The following TNFSF4 variants were observed in gnomAD, a reference collection of about 807,000 sequenced individuals.
The protein encoded by TNFSF4 is tumor necrosis factor ligand superfamily member 4.
In TNFSF4, 4 loss-of-function variants were observed where a neutral mutation model predicts 7.3. The observed-to-expected ratio is 0.55, with a 90% CI of 0.27 to 1.25. The LOEUF (loss-of-function observed/expected upper bound fraction) is 1.25. TNFSF4 is among the 50% of genes most tolerant of loss of function. TNFSF4 has a pLI of 0.12. For missense variants in TNFSF4, 181 were observed against 208.8 expected, an observed-to-expected ratio of 0.87 and a Z score of 0.82; for synonymous variants, 76 against 83.7, an observed-to-expected ratio of 0.91 and a Z score of 0.50.
At chr1:173,325,540 A>T in the TNFSF4 span, among the ~76,000 whole-genome samples, 26 of 152,112 alleles carry the variant, frequency 1.7e-4, no homozygotes, top group Admixed American at 1.6e-3. Flanking sequence ...GGAAATAGAG[A>T]CACAAAAAAC....
the TNFSF4 span, among the ~76,000 whole-genome samples, chr1:173,376,463 T>C: frequency 6.6e-6 from 1 of 152,134 alleles, no homozygotes; most frequent in African/African-American, 2.4e-5. Flanking sequence ...AGGGGATGGA[T>C]ACCATTAGTG....
At chr1:173,437,420 TTTAAG>T in the TNFSF4 span, among the ~76,000 whole-genome samples, 7 of 152,230 alleles carry the variant, frequency 4.6e-5, no homozygotes, top group East Asian at 7.7e-4. Flanking sequence ...AGTTTGTAGC[TTTAAG>T]TTATTATATA....
chr1:173,253,909 C>T, the TNFSF4 span, among the ~76,000 whole-genome samples: 1 of 152,188 alleles, frequency 6.6e-6, no homozygotes, highest in Non-Finnish European at 1.5e-5. Flanking sequence ...AGCAGTCTAT[C>T]TTCCCAGCTT....
upstream of TNFSF4, among the ~76,000 whole-genome samples, chr1:173,209,466 A>G (rs544797552): frequency 5.3e-5 from 8 of 152,304 alleles, no homozygotes; most frequent in Non-Finnish European, 1.0e-4. Context: ...AAAGGGGTCA[A>G]ATACGTTACT....
At chr1:173,219,217 C>T in the TNFSF4 span, among the ~76,000 whole-genome samples, 1 of 152,184 alleles carries the variant, frequency 6.6e-6, no homozygotes, top group East Asian at 1.9e-4. Context: ...CTAGCTAACA[C>T]AGGAGTTTTT....
At chr1:173,247,050 C>T in the TNFSF4 span, among the ~76,000 whole-genome samples, 1 of 152,194 alleles carries the variant, frequency 6.6e-6, no homozygotes, top group Non-Finnish European at 1.5e-5. Flanking sequence ...TCCTCCCCTA[C>T]CAAACCTTGT....
the TNFSF4 span, among the ~76,000 whole-genome samples, chr1:173,310,592 T>C: frequency 6.6e-6 from 1 of 151,542 alleles, no homozygotes; most frequent in African/African-American, 2.4e-5. Context: ...GTAAAGAACG[T>C]ATAGTGTTAT....
At chr1:173,375,608 C>A in the TNFSF4 span, among the ~76,000 whole-genome samples, 1 of 152,116 alleles carries the variant, frequency 6.6e-6, no homozygotes, top group African/African-American at 2.4e-5. Context: ...GTAAAATGCA[C>A]CAATCAGTGC....
the TNFSF4 span, among the ~76,000 whole-genome samples, chr1:173,336,631 C>CT: frequency 6.6e-6 from 1 of 152,152 alleles, no homozygotes; most frequent in African/African-American, 2.4e-5. Context: ...ATCTTGATTG[C>CT]TTTTCCCTTC....
chr1:173,260,176 G>A, the TNFSF4 span, among the ~76,000 whole-genome samples: 1 of 152,030 alleles, frequency 6.6e-6, no homozygotes, highest in Non-Finnish European at 1.5e-5. Flanking sequence ...AAGTGTTTGG[G>A]GGCCAATATT....
At chr1:173,229,595 A>T in the TNFSF4 span, among the ~76,000 whole-genome samples, 1 of 152,326 alleles carries the variant, frequency 6.6e-6, no homozygotes, top group African/African-American at 2.4e-5. Flanking sequence ...TTAACCTTAA[A>T]TGTAAATGGG....
At chr1:173,234,334 T>C in the TNFSF4 span, among the ~76,000 whole-genome samples, 1 of 152,196 alleles carries the variant, frequency 6.6e-6, no homozygotes, top group African/African-American at 2.4e-5. Flanking sequence ...ATAGGAACAC[T>C]CTTACACTGT....
chr1:173,407,080 T>G, the TNFSF4 span, among the ~76,000 whole-genome samples: 1 of 151,682 alleles, frequency 6.6e-6, no homozygotes, highest in Non-Finnish European at 1.5e-5. Flanking sequence ...CTGAGTGGAG[T>G]AAGGCTGATG....
chr1:173,377,550 C>A, the TNFSF4 span, among the ~76,000 whole-genome samples: 1 of 152,218 alleles, frequency 6.6e-6, no homozygotes, highest in Non-Finnish European at 1.5e-5. Flanking sequence ...CTGACCCTTG[C>A]GTCCTGGGTC....
the TNFSF4 span, among the ~76,000 whole-genome samples, chr1:173,245,408 T>G: frequency 6.6e-6 from 1 of 152,244 alleles, no homozygotes; most frequent in Non-Finnish European, 1.5e-5. Flanking sequence ...ATTCAGTTAC[T>G]ACAAGCAAAA....
chr1:173,303,849 G>C, the TNFSF4 span, among the ~76,000 whole-genome samples: 1 of 151,712 alleles, frequency 6.6e-6, no homozygotes, highest in Admixed American at 6.6e-5. Context: ...CTATATGATA[G>C]ACAAGATTCC....
At chr1:173,392,475 T>G in the TNFSF4 span, among the ~76,000 whole-genome samples, 3 of 152,212 alleles carry the variant, frequency 2.0e-5, no homozygotes, top group African/African-American at 7.2e-5. Context: ...TAAATTATAG[T>G]AGGCTGCCTG....
intron 1 of TNFSF4, among the ~76,000 whole-genome samples, chr1:173,203,857 GC>G (rs1650055281): frequency 6.6e-6 from 1 of 152,156 alleles, no homozygotes; most frequent in African/African-American, 2.4e-5. Context: ...AGCTTTTTCT[GC>G]CTTTGTTCCA....
At chr1:173,343,362 T>G in the TNFSF4 span, among the ~76,000 whole-genome samples, 34,337 of 152,116 alleles carry the variant, frequency 0.23, 4,365 homozygotes, top group East Asian at 0.45. Context: ...ATGAAAGAGT[T>G]TGCCATGCAG....
Sources: allele counts gnomAD v4.1 joint callset (sites outside exome capture counted in the v4.1 genomes callset), GRCh38; gene constraint gnomAD v4.1.1; transcripts MANE v1.5; gene names NCBI Gene and HGNC (gene_info 2026-07-23, HGNC 2026-07-21).